ITGB5: variants seen among roughly 807,000 people sequenced by gnomAD.
ITGB5 encodes integrin beta-5.
A neutral mutation model predicts 84.8 loss-of-function variants in ITGB5; 38 were observed. The ratio of observed to expected loss-of-function variants is 0.45; its 90% CI spans 0.35 to 0.59. The LOEUF is 0.59. Ranked by LOEUF, ITGB5 falls within the 20% of genes least tolerant of loss-of-function variation. The probability of loss-of-function intolerance (pLI) is 0.01; values close to 1 mark genes in which losing one functional copy is unlikely to be tolerated. For synonymous variants in ITGB5, 393 were observed against 414.4 expected (o/e 0.95, Z 0.63); for missense variants, 905 against 1,034.5 (o/e 0.87, Z 1.72).
intron 2 of ITGB5, chr3:124,863,350 T>G (rs2065332689): frequency 6.6e-6 from 1 of 152,186 alleles, no homozygotes; most frequent in Admixed American, 6.5e-5. Flanking sequence ...TGTGACTAAT[T>G]TCTTTTGATT....
chr3:124,827,473 A>G (rs1202055417), intron 5 of ITGB5, among the ~76,000 whole-genome samples: 2 of 152,252 alleles, frequency 1.3e-5, no homozygotes, highest in Non-Finnish European at 2.9e-5. Flanking sequence ...GGGAATATAA[A>G]TTATTGCATG....
chr3:124,889,396 C>T (rs1215698912), upstream of ITGB5, among the ~76,000 whole-genome samples: 1 of 152,194 alleles, frequency 6.6e-6, no homozygotes, highest in Non-Finnish European at 1.5e-5. Flanking sequence ...AACCAATGTA[C>T]GTCTTACACA....
intron 9 of ITGB5, among the ~76,000 whole-genome samples, chr3:124,797,536 G>A (rs2064249936): frequency 6.6e-6 from 1 of 152,222 alleles, no homozygotes; most frequent in Admixed American, 6.5e-5. Context: ...AACAGAATAT[G>A]TAAGGAAGTG....
At chr3:124,771,883 T>C (rs1181609888) in intron 11 of ITGB5, among the ~76,000 whole-genome samples, 1 of 152,174 alleles carries the variant, frequency 6.6e-6, no homozygotes, top group East Asian at 1.9e-4. Flanking sequence ...TTTAAACATT[T>C]AAAGCTAGAG....
chr3:124,792,205 C>A (rs3772831), intron 10 of ITGB5: 68,249 of 152,006 alleles, frequency 0.45, 16,815 homozygotes, highest in African/African-American at 0.64. Flanking sequence ...TTACTAAAGT[C>A]ATTCGACTTC....
intron 10 of ITGB5, among the ~76,000 whole-genome samples, chr3:124,774,623 T>TAAGA (rs766123299): frequency 2.3e-4 from 35 of 152,198 alleles, no homozygotes; most frequent in South Asian, 8.3e-4. Context: ...TCCAGAGCTG[T>TAAGA]AAGAAAATAA....
At chr3:124,796,878 C>A in intron 9 of ITGB5, 61 bp from the exon 10 acceptor site, 1 of 1,505,804 alleles carries the variant, frequency 6.6e-7, no homozygotes, top group Non-Finnish European at 9.0e-7. Context: ...CCCATTCACC[C>A]AGGGGCAGGG....
At chr3:124,900,627 G>T (rs1411620072) in intron 1 of ITGB5, among the ~76,000 whole-genome samples, 1 of 152,030 alleles carries the variant, frequency 6.6e-6, no homozygotes, top group Non-Finnish European at 1.5e-5. Flanking sequence ...ATGTTTTCCA[G>T]GGCTCTCCCC....
chr3:124,774,383 G>A (rs1271421019), intron 10 of ITGB5, among the ~76,000 whole-genome samples: 1 of 152,194 alleles, frequency 6.6e-6, no homozygotes, highest in Non-Finnish European at 1.5e-5. Context: ...TTCTGAGAGG[G>A]AGCAAGGGAG....
intron 2 of ITGB5, among the ~76,000 whole-genome samples, chr3:124,866,275 G>A (rs1011014419): frequency 2.6e-5 from 4 of 152,192 alleles, no homozygotes; most frequent in African/African-American, 9.7e-5. Context: ...GAGCCACCAT[G>A]CCCAGCTCCC....
At chr3:124,852,139 C>G (rs539461274) in intron 3 of ITGB5, among the ~76,000 whole-genome samples, 6 of 152,280 alleles carry the variant, frequency 3.9e-5, no homozygotes, top group Non-Finnish European at 5.9e-5. Flanking sequence ...CCTCCCGCTG[C>G]CCGGCAGAGT....
At chr3:124,819,860 T>C (rs763785310) in intron 6 of ITGB5, 26 bp from the exon 7 acceptor site, 2 of 1,524,158 alleles carry the variant, frequency 1.3e-6, no homozygotes, top group Non-Finnish European at 1.8e-6. Context: ...AAGTCAAGGC[T>C]ATGACATTCC....
chr3:124,796,279 AT>A, intron 10 of ITGB5, 108 bp downstream of exon 10: 1 of 1,006,750 alleles, frequency 9.9e-7, no homozygotes, highest in Non-Finnish European at 1.5e-6. Context: ...AAGGAGAGCC[AT>A]GGTAGTGACA....
intron 1 of ITGB5, among the ~76,000 whole-genome samples, chr3:124,877,987 C>T (rs1559984151): frequency 6.6e-6 from 1 of 152,184 alleles, no homozygotes; most frequent in Non-Finnish European, 1.5e-5. Flanking sequence ...AGATTACAGG[C>T]ATATGCCATC....
In ITGB5 at chr3:124,893,379, G is replaced by C. The variant is rs564159047; in HGVS notation, c.-255+7887C>G. Among the ~76,000 whole-genome samples the C allele has an allele frequency of 2.6e-5, 4 of 152,298 alleles. No individual in the cohort carries two copies. The East Asian group carries it at 5.8e-4, about 22-fold the overall frequency. On this transcript the variant is annotated intron_variant, in intron 1 of 4. Transcript: ENST00000608657. ...GCCAAGATCGCACCCCTGCACTCCA[G>C]CCTGGACAACAGAGTGACACTTTGT...
chr3:124,816,846 G>A (rs778974227), intron 8 of ITGB5, among the ~76,000 whole-genome samples: 8 of 152,152 alleles, frequency 5.3e-5, no homozygotes, highest in Admixed American at 3.9e-4. Context: ...TGTTACAATA[G>A]CACAGAATTT....
chr3:124,829,558 A>G (rs937778286), intron 5 of ITGB5, among the ~76,000 whole-genome samples: 1 of 152,162 alleles, frequency 6.6e-6, no homozygotes, highest in African/African-American at 2.4e-5. Context: ...CCCTTCACCT[A>G]TTCCCAGGAT....
At chr3:124,860,618 G>A (rs1319002112) in intron 2 of ITGB5, among the ~76,000 whole-genome samples, 4 of 152,166 alleles carry the variant, frequency 2.6e-5, no homozygotes, top group Non-Finnish European at 5.9e-5. Flanking sequence ...TCCGGCAAAG[G>A]GGTTTCACCT....
At chr3:124,896,400 T>C (rs1197751796) in intron 1 of ITGB5, among the ~76,000 whole-genome samples, 1 of 152,190 alleles carries the variant, frequency 6.6e-6, no homozygotes, top group Non-Finnish European at 1.5e-5. Context: ...TATGTTAGAC[T>C]AGACATTCAG....
Sources: gnomAD v4.1 joint callset for allele counts (sites outside exome capture counted in the v4.1 genomes callset) on GRCh38, gnomAD v4.1.1 for gene constraint, MANE v1.5 for transcripts, NCBI Gene and HGNC (gene_info 2026-07-23, HGNC 2026-07-21) for gene names.